Variants in GREB1L observed in about 807,000 individuals in gnomAD.
GREB1L encodes GREB1-like protein.
Under a neutral mutation model 200.8 loss-of-function variants are expected in GREB1L, and 17 were observed. The observed-to-expected ratio is 0.08, with a 90% CI of 0.06 to 0.13. The LOEUF (loss-of-function observed/expected upper bound fraction) is 0.13, where lower values mean the gene tolerates loss of function less well. GREB1L is among the 10% of genes least tolerant of loss of function. The pLI is 1.00. For synonymous variants in GREB1L, 789 were observed against 893.0 expected (o/e 0.88, Z 2.08); for missense variants, 1,657 against 2,367.7 (o/e 0.70, Z 6.23).
chr18:21,495,040 C>A (rs555233686), intron 19 of GREB1L, among the ~76,000 whole-genome samples: 1 of 151,950 alleles, frequency 6.6e-6, no homozygotes, highest in Non-Finnish European at 1.5e-5. Context: ...GGGGCAGTTT[C>A]GTTTTGTTGT....
chr18:21,485,592 T>C, intron 17 of GREB1L, 28 bp from the exon 18 acceptor site: 1 of 1,546,842 alleles, frequency 6.5e-7, no homozygotes, highest in Non-Finnish European at 8.7e-7. Flanking sequence ...CTGTCCTCAT[T>C]GGGTTTTTGC....
intron 1 of GREB1L, among the ~76,000 whole-genome samples, chr18:21,278,498 A>T (rs2038214303): frequency 6.6e-6 from 1 of 152,090 alleles, no homozygotes; most frequent in Non-Finnish European, 1.5e-5. Context: ...TACATTTAAC[A>T]TTTAGCACAC....
chr18:21,411,094 A>G (rs1398346827), intron 7 of GREB1L, among the ~76,000 whole-genome samples: 1 of 152,250 alleles, frequency 6.6e-6, no homozygotes, highest in East Asian at 1.9e-4. Context: ...ATACATGAAA[A>G]GATGATTAAC....
At chr18:21,259,078 G>T (rs1242986082) in intron 1 of GREB1L, among the ~76,000 whole-genome samples, 1 of 152,132 alleles carries the variant, frequency 6.6e-6, no homozygotes, top group Non-Finnish European at 1.5e-5. Flanking sequence ...TTGCATGGGA[G>T]ATTACCAGAC....
chr18:21,524,824 T>G lies in GREB1L; in HGVS notation c.*2003T>G, dbSNP rs980974186. On this transcript the variant is annotated 3_prime_UTR_variant, in exon 33 of 33. Transcript: ENST00000424526. ...AAATACTATTTAACTCTGGAAGAGA[T>G]ATGCCAGAATAAAGCCAAAAGACCA... 6.6e-6 allele frequency: 1 copy of G among 152,078 alleles called. No homozygotes were observed. 9.4% of individuals were successfully genotyped at this position (152,078 alleles called of 1,614,324 possible).
intron 1 of GREB1L, among the ~76,000 whole-genome samples, chr18:21,324,749 G>T (rs1242211370): frequency 4.6e-5 from 7 of 152,224 alleles, no homozygotes; most frequent in Admixed American, 3.3e-4. Context: ...GGTGGAGCTT[G>T]CAGTAAGCCG....
chr18:21,251,078 G>A (rs143787962), intron 1 of GREB1L, among the ~76,000 whole-genome samples: 2 of 152,304 alleles, frequency 1.3e-5, no homozygotes, highest in East Asian at 3.9e-4. Context: ...TGCTTTGGGA[G>A]GCCAAAGTGG....
At chr18:21,274,301 C>A (rs1470280326) in intron 1 of GREB1L, among the ~76,000 whole-genome samples, 1 of 152,154 alleles carries the variant, frequency 6.6e-6, no homozygotes, top group African/African-American at 2.4e-5. Context: ...CTCCTAAAAC[C>A]ATCACCTTGG....
intron 7 of GREB1L, among the ~76,000 whole-genome samples, chr18:21,424,433 A>G (rs1016285578): frequency 8.6e-5 from 13 of 151,992 alleles, no homozygotes; most frequent in Non-Finnish European, 1.9e-4. Context: ...CTGGGCATGG[A>G]TGGTGCATGC....
chr18:21,368,802 T>C (rs960151116), intron 2 of GREB1L, among the ~76,000 whole-genome samples: 3 of 152,190 alleles, frequency 2.0e-5, no homozygotes, highest in African/African-American at 7.2e-5. Flanking sequence ...CTTGTAATGC[T>C]TAGTCACTCA....
At chr18:21,431,986 G>A (rs1302926594) in intron 7 of GREB1L, among the ~76,000 whole-genome samples, 2 of 132,066 alleles carry the variant, frequency 1.5e-5, no homozygotes, top group Non-Finnish European at 3.1e-5. Flanking sequence ...GCAGTGGCAT[G>A]ATCTCAGCTC....
intron 5 of GREB1L, among the ~76,000 whole-genome samples, chr18:21,398,935 A>C (rs902735266): frequency 2.6e-5 from 4 of 152,192 alleles, no homozygotes; most frequent in Non-Finnish European, 5.9e-5. Flanking sequence ...TCTCCCTTGA[A>C]GGAAGGCTAA....
At chr18:21,286,799 A>G (rs183841809) in intron 1 of GREB1L, among the ~76,000 whole-genome samples, 3 of 152,040 alleles carry the variant, frequency 2.0e-5, no homozygotes, top group Non-Finnish European at 1.5e-5. Context: ...CACCTGGCCT[A>G]TGGTTTTGAT....
At chr18:21,505,378 G>A in intron 23 of GREB1L, 34 bp from the exon 24 acceptor site, 1 of 1,537,656 alleles carries the variant, frequency 6.5e-7, no homozygotes, top group Non-Finnish European at 8.8e-7. Context: ...AGGGAGGCCA[G>A]TCACCTGCTC....
intron 16 of GREB1L, among the ~76,000 whole-genome samples, chr18:21,474,445 G>T (rs924675366): frequency 7.9e-5 from 12 of 152,178 alleles, no homozygotes; most frequent in African/African-American, 2.9e-4. Flanking sequence ...TTCTCCATGA[G>T]GGCCCCACCC....
chr18:21,361,264 T>G (rs1314000041), intron 1 of GREB1L, among the ~76,000 whole-genome samples: 2 of 152,208 alleles, frequency 1.3e-5, no homozygotes, highest in Non-Finnish European at 1.5e-5. Flanking sequence ...CTGCTCTAAC[T>G]TATAACAAAG....
At chr18:21,520,554 A>G (rs2037573511) in intron 31 of GREB1L, 134 bp from the exon 32 acceptor site, 1 of 955,936 alleles carries the variant, frequency 1.0e-6, no homozygotes, top group African/African-American at 1.6e-5. Flanking sequence ...CATTTAAGTT[A>G]ATATTGGAAA....
At chr18:21,430,595 T>C (rs2033064695) in intron 7 of GREB1L, among the ~76,000 whole-genome samples, 1 of 144,888 alleles carries the variant, frequency 6.9e-6, no homozygotes, top group Admixed American at 6.8e-5. Context: ...TTTTTTTTTT[T>C]TTTTTTTTTT....
intron 1 of GREB1L, among the ~76,000 whole-genome samples, chr18:21,340,530 G>T (rs974816714): frequency 6.6e-6 from 1 of 151,714 alleles, no homozygotes; most frequent in African/African-American, 2.4e-5. Flanking sequence ...GATTAACCAA[G>T]ATTTTTTCTT....
Sources: allele counts gnomAD v4.1 joint callset (sites outside exome capture counted in the v4.1 genomes callset), GRCh38; gene constraint gnomAD v4.1.1; transcripts MANE v1.5; gene names NCBI Gene and HGNC (gene_info 2026-07-23, HGNC 2026-07-21).